The following TNS1 variants were observed in gnomAD, a reference collection of about 807,000 sequenced individuals.
TNS1 encodes the protein tensin-1.
TNS1 carries 62 observed loss-of-function variants against 168.6 expected under a neutral mutation model. The ratio of observed to expected loss-of-function variants is 0.37; its 90% CI spans 0.30 to 0.45. The LOEUF (loss-of-function observed/expected upper bound fraction) is 0.45. Ranked by LOEUF, TNS1 falls within the 20% of genes least tolerant of loss-of-function variation. TNS1 has a pLI of 1.00. For synonymous variants in TNS1, 934 were observed against 933.2 expected, an observed-to-expected ratio of 1.00 and a Z score of -0.02; for missense variants, 2,240 against 2,339.4, an observed-to-expected ratio of 0.96 and a Z score of 0.88.
intron 3 of TNS1, among the ~76,000 whole-genome samples, chr2:217,932,050 T>C (rs991927238): frequency 8.5e-5 from 13 of 152,232 alleles, no homozygotes; most frequent in African/African-American, 9.7e-5. Flanking sequence ...AGCTGATCTA[T>C]GGCTTTATGT....
intron 1 of TNS1, chr2:217,992,431 A>C (rs1575165896): frequency 6.6e-6 from 1 of 152,408 alleles, no homozygotes; most frequent in African/African-American, 2.4e-5. Context: ...TAGAGGCTGG[A>C]GAGGAGGACT....
intron 6 of TNS1, among the ~76,000 whole-genome samples, chr2:217,905,769 C>A (rs1953604535): frequency 6.6e-6 from 1 of 152,222 alleles, no homozygotes; most frequent in African/African-American, 2.4e-5. Flanking sequence ...GACCCCGAGC[C>A]CTTCTGTGGG....
At chr2:217,969,735 C>T (rs1202838921) in intron 3 of TNS1, among the ~76,000 whole-genome samples, 1 of 152,174 alleles carries the variant, frequency 6.6e-6, no homozygotes, top group Non-Finnish European at 1.5e-5. Context: ...TGAGATACCA[C>T]TTGACATCCA....
chr2:217,861,378 G>A (rs1408728264), intron 18 of TNS1, among the ~76,000 whole-genome samples: 1 of 152,150 alleles, frequency 6.6e-6, no homozygotes, highest in Non-Finnish European at 1.5e-5. Flanking sequence ...ATACTTTCTG[G>A]TTGCTTCTCT....
upstream of TNS1, among the ~76,000 whole-genome samples, chr2:218,004,501 G>C (rs1390330507): frequency 6.6e-6 from 1 of 152,118 alleles, no homozygotes; most frequent in Non-Finnish European, 1.5e-5. Flanking sequence ...GACCACCCAA[G>C]ACATCTACCT....
intron 3 of TNS1, among the ~76,000 whole-genome samples, chr2:217,974,598 G>C (rs1264186735): frequency 6.6e-6 from 1 of 152,192 alleles, no homozygotes; most frequent in Non-Finnish European, 1.5e-5. Flanking sequence ...CTACCAGCAG[G>C]AACATTTTCT....
chr2:217,902,061 T>C (rs1953060599), intron 6 of TNS1: 1 of 150,618 alleles, frequency 6.6e-6, no homozygotes, highest in African/African-American at 2.5e-5. Context: ...GACTCCAGTT[T>C]GCATGAGTCA....
At chr2:217,904,596 A>C (rs548936849) in intron 6 of TNS1, among the ~76,000 whole-genome samples, 117 of 151,898 alleles carry the variant, frequency 7.7e-4, no homozygotes, top group African/African-American at 2.7e-3. Context: ...ACACTTACCC[A>C]CCCCGACACA....
At chr2:217,859,042 C>T (rs1364412178) in intron 18 of TNS1, among the ~76,000 whole-genome samples, 2 of 149,444 alleles carry the variant, frequency 1.3e-5, no homozygotes, top group East Asian at 2.0e-4. Flanking sequence ...CAGCCCAGCC[C>T]AGCCCCACCG....
In TNS1 at chr2:217,831,537, G is replaced by A; in HGVS notation, c.3291C>T (p.Pro1097=). The A allele has an allele frequency of 2.6e-6, 4 of 1,535,130 alleles. No homozygotes were observed. Among genetic ancestry groups the A allele is most frequent in the African/African-American group, 2.8e-5 (2 of 70,986 alleles). ...ACAGGGGTGTCTTGGCCAGACCCGG[G>A]GGGGACCGCACTGTGCCAGGAAGAA... ...SSPPPSGVRS[P]PGLAKTPLSA... The change falls in exon 22 of 33, where the codon CCC becomes CCT. Residue 1097 remains proline (P), a synonymous_variant. Coordinates refer to ENST00000682258, the MANE Select transcript of TNS1 (RefSeq NM_001387777.1).
intron 32 of TNS1, among the ~76,000 whole-genome samples, chr2:217,805,572 CACCACACA>C (rs1559132615): frequency 0.021 from 8 of 384 alleles, no homozygotes; most frequent in Admixed American, 0.056. Context: ...CCACCACACA[CACCACACA>C]CACAACACAC....
At chr2:217,915,288 T>C (rs1954881272) in intron 4 of TNS1, among the ~76,000 whole-genome samples, 1 of 152,220 alleles carries the variant, frequency 6.6e-6, no homozygotes. Context: ...GGCAGCACAA[T>C]GCCTCAGATC....
At chr2:217,987,126 C>T (rs1350737552) in intron 2 of TNS1, 1 of 152,160 alleles carries the variant, frequency 6.6e-6, no homozygotes, top group Non-Finnish European at 1.5e-5. Context: ...GAAGCAGGGC[C>T]AGAAGTAGAG....
chr2:217,903,222 G>A (rs2125772944), intron 6 of TNS1, among the ~76,000 whole-genome samples: 1 of 152,094 alleles, frequency 6.6e-6, no homozygotes, highest in East Asian at 1.9e-4. Context: ...AGACACCAGG[G>A]GACAAAGGAA....
At chr2:217,812,936 G>A (rs10490755) in intron 27 of TNS1, among the ~76,000 whole-genome samples, 6,693 of 152,300 alleles carry the variant, frequency 0.044, 196 homozygotes, top group Non-Finnish European at 0.071. Flanking sequence ...CATTCACATG[G>A]TAGGTGGTCA....
chr2:217,839,822 G>T lies in TNS1; in HGVS notation c.3008-3611C>A, dbSNP rs564379448. ...TCCTCAGGTCCAGGTAGCAGGGCTG[G>T]GTGTCCGACAGCATGCCTGGGGCTC... is the stretch of plus-strand genomic sequence containing the variant. On this transcript the variant is annotated intron_variant, in intron 19 of 32. Coordinates refer to ENST00000682258, the MANE Select transcript of TNS1 (RefSeq NM_001387777.1). Among the ~76,000 whole-genome samples, 7 of 152,340 alleles carry T rather than the reference G, an allele frequency of 4.6e-5. No individual in the cohort carries two copies. In the East Asian group the frequency reaches 1.4e-3, roughly 29 times the overall value.
chr2:217,830,505 C>T, intron 22 of TNS1: 3 of 1,207,648 alleles, frequency 2.5e-6, no homozygotes, highest in Non-Finnish European at 2.3e-6. Context: ...GCCCAGGGAG[C>T]CCTGTCTCCC....
At chr2:217,808,507 G>GCA (rs112279658) in intron 31 of TNS1, 96 bp downstream of exon 31, 95,540 of 996,750 alleles carry the variant, frequency 0.096, 2,672 homozygotes, top group Admixed American at 0.24. Flanking sequence ...GTATGCACAT[G>GCA]CACACACACA....
At chr2:217,853,857 C>T (rs904531023) in intron 18 of TNS1, among the ~76,000 whole-genome samples, 3 of 152,226 alleles carry the variant, frequency 2.0e-5, no homozygotes, top group African/African-American at 4.8e-5. Context: ...GAAAAGGGTG[C>T]AGAGGTGTGT....
Sources: allele counts gnomAD v4.1 joint callset (sites outside exome capture counted in the v4.1 genomes callset), GRCh38; gene constraint gnomAD v4.1.1; transcripts MANE v1.5; gene names NCBI Gene and HGNC (gene_info 2026-07-23, HGNC 2026-07-21).